ODAD4: variants seen among roughly 807,000 people sequenced by gnomAD.
ODAD4 encodes outer dynein arm docking complex subunit 4, also known as outer dynein arm-docking complex subunit 4.
A neutral mutation model predicts 51.8 loss-of-function variants in ODAD4; 49 were observed. That is an observed-to-expected ratio of 0.95 (90% CI 0.75 to 1.20). The LOEUF (loss-of-function observed/expected upper bound fraction) is 1.20, where lower values mean the gene tolerates loss of function less well. Among genes scored for constraint, ODAD4 ranks in the 50% most tolerant of loss-of-function variants. The pLI, the probability that ODAD4 is intolerant of heterozygous loss-of-function variation, is 0.00. For synonymous variants in ODAD4, 235 were observed against 221.3 expected, an observed-to-expected ratio of 1.06 and a Z score of -0.55; for missense variants, 590 against 586.5, an observed-to-expected ratio of 1.01 and a Z score of -0.06.
rs928772202 is a variant in ODAD4 at position 41,949,187 on chromosome 17, C to T, written c.1180C>T (p.Leu394=). 0.05 allele frequency: 19,925 copies of T among 398,532 alleles called. 814 individuals are homozygous for T. The highest frequency in any genetic ancestry group is 0.16 in the Admixed American group (3,602 of 22,672). 24.7% of individuals were successfully genotyped at this position (398,532 alleles called of 1,614,324 possible). A position where few individuals can be genotyped will look rare whatever the true frequency, so the allele number is the denominator to read the frequency against. The change falls in exon 9 of 12, where the codon CTG becomes TTG. Residue 394 remains leucine, a synonymous_variant. Transcript: ENST00000377540. The stretch of plus-strand genomic sequence containing the variant: ...AAAGATCCCTCTGGCAAAAACCACC[C>T]TGGAGAAGACCTGGCTGTTCCACGA... ...EEKIPLAKTT[L]EKTWLFHEIG... is the part of the protein sequence containing the mutation.
chr17:41,956,441 C>T (rs1555641024), intron 10 of ODAD4, among the ~76,000 whole-genome samples: 1 of 148,630 alleles, frequency 6.7e-6, no homozygotes, highest in Non-Finnish European at 1.5e-5. Flanking sequence ...CCGCCTCGGC[C>T]TTCCAAAGTG....
At chr17:41,964,635 C>A (rs1555642237) in intron 11 of ODAD4, among the ~76,000 whole-genome samples, 1 of 152,118 alleles carries the variant, frequency 6.6e-6, no homozygotes, top group African/African-American at 2.4e-5. Context: ...TGAACAGTTT[C>A]TTTCTTTTTT....
intron 10 of ODAD4, among the ~76,000 whole-genome samples, chr17:41,957,880 G>C (rs2050754068): frequency 6.6e-6 from 1 of 151,734 alleles, no homozygotes; most frequent in African/African-American, 2.4e-5. Context: ...TGATCTCTGG[G>C]CTCAAGAGAT....
At position 41,965,567 on chromosome 17, in the gene ODAD4, T is replaced by A. The variant is rs574442793; in HGVS notation, c.*84T>A. ...TTAAACTGGATTTTCAAGCGATTTGTCTGTTATAGGAAAAATGAGGGTTTT... is the reference window on the plus strand; with the variant it reads ...TTAAACTGGATTTTCAAGCGATTTGACTGTTATAGGAAAAATGAGGGTTTT... On this transcript the variant is annotated 3_prime_UTR_variant, in exon 12 of 12. Coordinates refer to ENST00000377540, the MANE Select transcript of ODAD4 (RefSeq NM_031421.5). The A allele has an allele frequency of 1.5e-6, 1 of 665,230 alleles. No homozygotes were observed. Among genetic ancestry groups the A allele is most frequent in the East Asian group, 2.5e-5 (1 of 39,898 alleles). 41.2% of individuals were successfully genotyped at this position (665,230 alleles called of 1,614,324 possible).
Position 41,939,039 on chromosome 17 carries a change from A to G in ODAD4, c.925A>G (p.Lys309Glu). ...KVLKKVLEWN[K>E]EEVPNKDELV... Reference sequence around the variant, plus strand: ...GCTGAAGAAGGTACTGGAATGGAACAAGGAAGAGGTACCCAACAAGGATGA... The same window carrying G: ...GCTGAAGAAGGTACTGGAATGGAACGAGGAAGAGGTACCCAACAAGGATGA... The change falls in exon 7 of 12, where the codon AAG becomes GAG. Residue 309 changes from lysine to glutamate, a missense_variant. Transcript: ENST00000377540. The G allele has an allele frequency of 6.2e-7, 1 of 1,613,764 alleles. No homozygotes were observed. Among genetic ancestry groups the G allele is most frequent in the Non-Finnish European group, 8.5e-7 (1 of 1,179,774 alleles).
At chr17:41,956,096 G>A (rs1325135257) in intron 10 of ODAD4, among the ~76,000 whole-genome samples, 1 of 143,998 alleles carries the variant, frequency 6.9e-6, no homozygotes, top group African/African-American at 2.6e-5. Context: ...CACCCAGGCT[G>A]GAGTGCAATG....
intron 5 of ODAD4, 115 bp from the exon 6 acceptor site, chr17:41,938,442 A>T: frequency 1.2e-6 from 1 of 827,604 alleles, no homozygotes; most frequent in Non-Finnish European, 1.9e-6. Flanking sequence ...TGTTTCAACA[A>T]CTCCAAGCAG....
intron 8 of ODAD4, 119 bp downstream of exon 8, chr17:41,945,341 TAC>T (rs782428123): frequency 1.3e-4 from 48 of 368,412 alleles, no homozygotes; most frequent in South Asian, 5.5e-4. Context: ...ACTCCCTCTC[TAC>T]AAAAAAAAAA....
intron 10 of ODAD4, among the ~76,000 whole-genome samples, chr17:41,958,660 C>CAA (rs544794329): frequency 8.6e-5 from 5 of 58,072 alleles, no homozygotes; most frequent in Admixed American, 2.1e-4. Context: ...AACTCCATCT[C>CAA]AAAAAAAAAA....
In ODAD4 at chr17:41,965,598, T is replaced by G. The variant is rs971703539; in HGVS notation, c.*115T>G. On this transcript the variant is annotated 3_prime_UTR_variant, in exon 12 of 12. Transcript: ENST00000377540. ...ATAGGAAAAATGAGGGTTTTACTTC[T>G]GCTGCTTTCCATCACTATTTTGCCA... 3.6e-5 allele frequency: 22 copies of G among 619,628 alleles called. No individual in the cohort carries two copies. The highest frequency in any genetic ancestry group is 1.7e-5 in the Non-Finnish European group (6 of 350,390). 38.4% of individuals were successfully genotyped at this position (619,628 alleles called of 1,614,324 possible).
At chr17:41,943,317 T>C (rs140613750) in intron 7 of ODAD4, among the ~76,000 whole-genome samples, 2 of 152,346 alleles carry the variant, frequency 1.3e-5, no homozygotes, top group African/African-American at 2.4e-5. Flanking sequence ...CAGTGGCTCA[T>C]GCCTGTAATT....
At chr17:41,962,201 T>G (rs1555641855) in intron 11 of ODAD4, among the ~76,000 whole-genome samples, 3 of 151,798 alleles carry the variant, frequency 2.0e-5, no homozygotes, top group Non-Finnish European at 2.9e-5. Flanking sequence ...GTGAGGTGAG[T>G]GCTCTGCCAG....
intron 7 of ODAD4, among the ~76,000 whole-genome samples, chr17:41,941,199 C>A (rs1182157589): frequency 6.6e-6 from 1 of 152,222 alleles, no homozygotes; most frequent in Non-Finnish European, 1.5e-5. Context: ...CTGACCTGGG[C>A]TTCCTACAGT....
At position 41,965,212 on chromosome 17, in the gene ODAD4, AG is replaced by A; in HGVS notation, c.1751del (p.Gly584AlafsTer6). 1 of 774,878 alleles carries A rather than the reference AG, an allele frequency of 1.3e-6. No homozygotes were observed. The highest frequency in any genetic ancestry group is 2.4e-6 in the Non-Finnish European group (1 of 415,236). 48.0% of individuals were successfully genotyped at this position (774,878 alleles called of 1,614,324 possible). Reference sequence around the variant, plus strand: ...AGAAGCGATTTGGGAGCAGTTGCCAAGGGCCTGTCAGGAGAATTAGGCACAA... The same window carrying A: ...AGAAGCGATTTGGGAGCAGTTGCCAAGGCCTGTCAGGAGAATTAGGCACAA... ...KARSDLGAVA[K>X]GLSGELGTRS... On this transcript the variant is annotated frameshift_variant, in exon 12 of 12. Transcript: ENST00000377540. LOFTEE classifies it low-confidence loss of function (END_TRUNC).
intron 1 of ODAD4, among the ~76,000 whole-genome samples, chr17:41,934,972 AT>A (rs2050403801): frequency 1.3e-5 from 2 of 152,170 alleles, no homozygotes; most frequent in South Asian, 4.1e-4. Context: ...AATAGCCATG[AT>A]TTGACCTTGT....
chr17:41,952,017 G>C (rs1475079939), intron 9 of ODAD4, among the ~76,000 whole-genome samples: 5 of 151,574 alleles, frequency 3.3e-5, no homozygotes, highest in African/African-American at 1.2e-4. Flanking sequence ...GGGCAACATA[G>C]GGAGATCTCA....
At chr17:41,946,614 C>T (rs1407421593) in intron 8 of ODAD4, among the ~76,000 whole-genome samples, 8 of 151,774 alleles carry the variant, frequency 5.3e-5, no homozygotes, top group East Asian at 2.0e-4. Context: ...CGTGAGCCAC[C>T]GCACCCAGCT....
chr17:41,944,444 A>ACACACACAC lies in ODAD4; in HGVS notation c.1059-691_1059-690insACACACACC, dbSNP rs1191101800. 5.7e-3 allele frequency among the ~76,000 whole-genome samples: 111 copies of ACACACACAC among 19,542 alleles called. 1 individual carries two copies. Among genetic ancestry groups the ACACACACAC allele is most frequent in the East Asian group, 0.016 (5 of 308 alleles). The allele number at this position is 19,542 out of a possible 152,430, so 12.8% of individuals were successfully genotyped here. A position where few individuals can be genotyped will look rare whatever the true frequency, so the allele number is the denominator to read the frequency against. ...CACACACACACACACACACACACACACCCCCCCGCATACACAGAAATTGCC... is the reference window on the plus strand; with the variant it reads ...CACACACACACACACACACACACACACACACACACCCCCCCCGCATACACAGAAATTGCC... On this transcript the variant is annotated intron_variant, in intron 7 of 11. Coordinates refer to ENST00000377540, the MANE Select transcript of ODAD4 (RefSeq NM_031421.5).
rs782375793 is a variant in ODAD4 at position 41,939,169 on chromosome 17, A to T, written c.1055A>T (p.Glu352Val). 6.2e-7 allele frequency: 1 copy of T among 1,613,082 alleles called. No individual in the cohort carries two copies. The highest frequency in any genetic ancestry group is 8.5e-7 in the Non-Finnish European group (1 of 1,179,568). Residue 352 changes from glutamate (E) to valine (V), a missense_variant, in exon 7 of 12, where the codon GAA becomes GTA. By Grantham distance (121) the Glu-to-Val change is moderately radical. Transcript: ENST00000377540. ...SHRKDLEIAK[E>V]YDLPDAKSRA... The stretch of plus-strand genomic sequence containing the variant: ...AGAAAGGACCTGGAGATCGCCAAGG[A>T]ATAGTGAGTGCCCTAGGGGAGGCCA...
Sources: allele counts gnomAD v4.1 joint callset (sites outside exome capture counted in the v4.1 genomes callset), GRCh38; gene constraint gnomAD v4.1.1; transcripts MANE v1.5; gene names NCBI Gene and HGNC (gene_info 2026-07-23, HGNC 2026-07-21).